TLCD4: variants seen among roughly 807,000 people sequenced by gnomAD.
TLCD4 encodes the protein TLC domain containing 4, also known as TLC domain-containing protein 4.
TLCD4 carries 7 observed loss-of-function variants against 24.2 expected under a neutral mutation model. That is an observed-to-expected ratio of 0.29 (90% CI 0.16 to 0.54). TLCD4 has a LOEUF of 0.54. Among genes scored for constraint, TLCD4 ranks in the 20% least tolerant of loss-of-function variants. The pLI is 0.95. For synonymous variants in TLCD4, 103 were observed against 106.4 expected (o/e 0.97, Z 0.20); for missense variants, 259 against 313.9 (o/e 0.82, Z 1.32).
intron 6 of TLCD4, among the ~76,000 whole-genome samples, chr1:95,190,754 A>G (rs1243102853): frequency 1.3e-5 from 2 of 152,114 alleles, no homozygotes; most frequent in African/African-American, 4.8e-5. Flanking sequence ...ATCTTTTTAT[A>G]TGCTTAGTTT....
chr1:95,133,385 TA>T (rs55802856), intron 1 of TLCD4, among the ~76,000 whole-genome samples: 5 of 148,540 alleles, frequency 3.4e-5, no homozygotes, highest in South Asian at 2.1e-4. Flanking sequence ...AAAGTATAAT[TA>T]AAAAAAAAAG....
intron 5 of TLCD4, among the ~76,000 whole-genome samples, chr1:95,166,672 C>G (rs188482316): frequency 1.1e-4 from 16 of 152,100 alleles, no homozygotes; most frequent in African/African-American, 3.9e-4. Flanking sequence ...ATGATTGCAC[C>G]TAGGCAGGAA....
chr1:95,174,023 A>T, intron 6 of TLCD4, 134 bp downstream of exon 6: 1 of 1,294,606 alleles, frequency 7.7e-7, no homozygotes, highest in Non-Finnish European at 1.0e-6. Flanking sequence ...TCACCATCAT[A>T]CAAATGAGGA....
At chr1:95,158,468 TC>T (rs936067378) in intron 5 of TLCD4, among the ~76,000 whole-genome samples, 2 of 151,810 alleles carry the variant, frequency 1.3e-5, no homozygotes, top group African/African-American at 4.8e-5. Flanking sequence ...CAGGCATGAT[TC>T]ACCATCCCTG....
intron 3 of TLCD4, among the ~76,000 whole-genome samples, chr1:95,149,770 CAA>C (rs1677441605): frequency 6.6e-6 from 1 of 152,064 alleles, no homozygotes; most frequent in African/African-American, 2.4e-5. Flanking sequence ...ATTCATTGTT[CAA>C]GTTTTGCCTT....
chr1:95,164,038 G>C (rs990491815), intron 5 of TLCD4: 4 of 152,352 alleles, frequency 2.6e-5, no homozygotes, highest in Non-Finnish European at 5.9e-5. Context: ...TGTCAGACAG[G>C]GATGTTTAAT....
At chr1:95,100,441 G>T in the TLCD4 span, among the ~76,000 whole-genome samples, 1 of 152,094 alleles carries the variant, frequency 6.6e-6, no homozygotes, top group East Asian at 1.9e-4. Context: ...TGGGCATGAT[G>T]GTGCATGCCT....
Position 95,148,607 on chromosome 1 carries a change from C to T in TLCD4, c.156-95C>T, listed in dbSNP as rs72722131. The T allele has an allele frequency of 4.5e-3, 6,854 of 1,523,572 alleles. 35 individuals are homozygous for T. Among genetic ancestry groups the T allele is most frequent in the African/African-American group, 0.023 (1,637 of 72,328 alleles). 94.4% of individuals were successfully genotyped at this position (1,523,572 alleles called of 1,614,324 possible). A position where few individuals can be genotyped will look rare whatever the true frequency, so the allele number is the denominator to read the frequency against. On this transcript the variant is annotated intron_variant, in intron 2 of 6. Transcript: ENST00000370203. ...CTTCACACCTGTATATAAATGCTTC[C>T]AGGTATAACTTGTTCAGAATGTTCT...
chr1:95,123,093 G>A (rs1229355083), intron 1 of TLCD4, among the ~76,000 whole-genome samples: 5 of 152,260 alleles, frequency 3.3e-5, no homozygotes, highest in Non-Finnish European at 7.4e-5. Context: ...ACAGGCCTGA[G>A]CCACTGCGCC....
chr1:95,182,489 AG>A (rs1678680699), intron 6 of TLCD4, among the ~76,000 whole-genome samples: 1 of 152,168 alleles, frequency 6.6e-6, no homozygotes, highest in African/African-American at 2.4e-5. Context: ...TGCTTCATTA[AG>A]GGCATTTCTA....
At chr1:95,144,155 A>C (rs1386683088) in intron 2 of TLCD4, 99 bp downstream of exon 2, 1 of 1,213,868 alleles carries the variant, frequency 8.2e-7, no homozygotes, top group African/African-American at 1.6e-5. Flanking sequence ...GATCTAATGT[A>C]AGGCCAAATT....
intron 4 of TLCD4, 58 bp downstream of exon 4, chr1:95,150,324 A>G (rs189302578): frequency 1.3e-6 from 2 of 1,591,936 alleles, no homozygotes; most frequent in Admixed American, 3.6e-5. Flanking sequence ...GGAATTATAC[A>G]AAGAATATAT....
In TLCD4 at chr1:95,195,057, G is replaced by A. The variant is rs1679151156; in HGVS notation, c.*3189G>A. ...TGATATATTATGGATGACCCAGGAC[G>A]GTCTTAAAGGTCTAGTTTTAAAAAC... On this transcript the variant is annotated 3_prime_UTR_variant, in exon 7 of 7. Coordinates refer to ENST00000370203, the MANE Select transcript of TLCD4 (RefSeq NM_152487.3). The A allele has an allele frequency of 6.6e-6, 1 of 152,082 alleles. No individual in the cohort carries two copies. Among genetic ancestry groups the A allele is most frequent in the Non-Finnish European group, 1.5e-5 (1 of 68,010 alleles). 9.4% of individuals were successfully genotyped at this position (152,082 alleles called of 1,614,324 possible).
intron 4 of TLCD4, among the ~76,000 whole-genome samples, chr1:95,150,768 A>AT (rs60074592): frequency 6.6e-6 from 1 of 151,782 alleles, no homozygotes. Context: ...TTTTTAAAAT[A>AT]TTTTTTGTAC....
intron 5 of TLCD4, among the ~76,000 whole-genome samples, chr1:95,170,728 G>A (rs1243467597): frequency 6.6e-6 from 1 of 152,030 alleles, no homozygotes; most frequent in Non-Finnish European, 1.5e-5. Context: ...CCCCTCAAGA[G>A]TCATATTTTA....
At chr1:95,099,491 T>C in the TLCD4 span, among the ~76,000 whole-genome samples, 1 of 150,660 alleles carries the variant, frequency 6.6e-6, no homozygotes, top group Non-Finnish European at 1.5e-5. Flanking sequence ...TTATTTATTA[T>C]ATCACATGTA....
chr1:95,109,032 C>T, the TLCD4 span, among the ~76,000 whole-genome samples: 22 of 152,242 alleles, frequency 1.4e-4, no homozygotes, highest in African/African-American at 5.3e-4. Flanking sequence ...TATTGTAATA[C>T]ATTTAAAAAT....
the TLCD4 span, among the ~76,000 whole-genome samples, chr1:95,093,064 T>C: frequency 1.3e-5 from 2 of 152,250 alleles, no homozygotes. Flanking sequence ...GAAGAAATTC[T>C]ATTGCTAAAG....
chr1:95,197,042 T>C lies in TLCD4; in HGVS notation c.*5174T>C, dbSNP rs1679225259. On this transcript the variant is annotated 3_prime_UTR_variant, in exon 7 of 7. Transcript: ENST00000370203. ...AAAGCAGTAAATAGAACTATAGTGA[T>C]ATATATAGATACATAGATATATACT... 6.6e-6 allele frequency: 1 copy of C among 152,146 alleles called. No homozygotes were observed. Among genetic ancestry groups the C allele is most frequent in the Admixed American group, 6.5e-5 (1 of 15,272 alleles). 9.4% of individuals were successfully genotyped at this position (152,146 alleles called of 1,614,324 possible). A position where few individuals can be genotyped will look rare whatever the true frequency, so the allele number is the denominator to read the frequency against.
Sources: gnomAD v4.1 joint callset for allele counts (sites outside exome capture counted in the v4.1 genomes callset) on GRCh38, gnomAD v4.1.1 for gene constraint, MANE v1.5 for transcripts, NCBI Gene and HGNC (gene_info 2026-07-23, HGNC 2026-07-21) for gene names.